SLC45A3: variants seen among roughly 807,000 people sequenced by gnomAD.
SLC45A3 encodes the protein prostate cancer associated protein 2.
A neutral mutation model predicts 35.3 loss-of-function variants in SLC45A3; 17 were observed. The observed-to-expected ratio is 0.48, with a 90% CI of 0.33 to 0.72. SLC45A3 has a LOEUF of 0.72. SLC45A3 is among the 30% of genes least tolerant of loss of function. The pLI is 0.02. For missense variants in SLC45A3, 597 were observed against 731.7 expected, an observed-to-expected ratio of 0.82 and a Z score of 2.12; for synonymous variants, 288 against 334.3, an observed-to-expected ratio of 0.86 and a Z score of 1.51.
At chr1:205,665,826 C>A (rs115812228) in intron 1 of SLC45A3, among the ~76,000 whole-genome samples, 1,553 of 152,300 alleles carry the variant, frequency 0.01, 29 homozygotes, top group African/African-American at 0.036. Flanking sequence ...GCCAAGCAAG[C>A]GGTCTCCAAG....
chr1:205,680,125 T>C (rs1302052241), intron 1 of SLC45A3, among the ~76,000 whole-genome samples: 1 of 149,618 alleles, frequency 6.7e-6, no homozygotes, highest in Admixed American at 6.7e-5. Context: ...GGGCACCTCC[T>C]GCCTGCCCGC....
rs150114553 is a variant in SLC45A3 at position 205,663,811 on chromosome 1, G to A, written c.173-193C>T. ...GCCCCCATTTTCAGATGGACAAACT[G>A]AGGCATGGAGCAACTAAGAAGTGAT... On this transcript the variant is annotated intron_variant, in intron 2 of 4. Transcript: ENST00000367145. Among the ~76,000 whole-genome samples the A allele has an allele frequency of 1.8e-3, 281 of 152,316 alleles. No homozygotes were observed. In the Middle Eastern group the frequency reaches 0.027, roughly 15 times the overall value.
At chr1:205,679,969 T>A (rs1156399124) in intron 1 of SLC45A3, among the ~76,000 whole-genome samples, 1 of 151,482 alleles carries the variant, frequency 6.6e-6, no homozygotes, top group Non-Finnish European at 1.5e-5. Flanking sequence ...TAAACGCAAC[T>A]TTCCAAAGAA....
At position 205,666,481 on chromosome 1, in the gene SLC45A3, T is replaced by C. The variant is rs1267572767; in HGVS notation, c.-230-1595A>G. ...AGTGATTGGACCACTGCCTCCAGTC[T>C]GGGTGACAGAGGGAGACACTGCCTA... is the stretch of plus-strand genomic sequence containing the variant. On this transcript the variant is annotated intron_variant, in intron 1 of 4. Transcript: ENST00000367145. This position sits in a 1 kb window ranked among gnomAD's most constrained non-coding sequence, Gnocchi z 4.1. Among the ~76,000 whole-genome samples the C allele has an allele frequency of 6.6e-6, 1 of 152,176 alleles. No individual in the cohort carries two copies. Among genetic ancestry groups the C allele is most frequent in the Admixed American group, 6.5e-5 (1 of 15,282 alleles).
chr1:205,674,850 G>A (rs1344389176), intron 1 of SLC45A3, among the ~76,000 whole-genome samples: 2 of 151,876 alleles, frequency 1.3e-5, no homozygotes, highest in Non-Finnish European at 2.9e-5. Flanking sequence ...CAAGTAGCTG[G>A]GACTACAGGC....
rs1670969595 is a variant in SLC45A3 at position 205,659,022 on chromosome 1, G to C, written c.*212C>G. The C allele has an allele frequency of 3.5e-6, 2 of 576,460 alleles. No individual in the cohort carries two copies. Among genetic ancestry groups the C allele is most frequent in the Non-Finnish European group, 6.1e-6 (2 of 328,810 alleles). 35.7% of individuals were successfully genotyped at this position (576,460 alleles called of 1,614,324 possible). A position where few individuals can be genotyped will look rare whatever the true frequency, so the allele number is the denominator to read the frequency against. Reference sequence around the variant, plus strand: ...ACCCCCTTGGAAGGCCTCCAGTCAGGCAGCCCTAGAGACTGGGGAGAGAGG... The same window carrying C: ...ACCCCCTTGGAAGGCCTCCAGTCAGCCAGCCCTAGAGACTGGGGAGAGAGG... On this transcript the variant is annotated 3_prime_UTR_variant, in exon 5 of 5. Coordinates refer to ENST00000367145, the MANE Select transcript of SLC45A3 (RefSeq NM_033102.3). The surrounding 1 kb of genome is among the most constrained non-coding windows in gnomAD (Gnocchi z 5.8).
intron 1 of SLC45A3, among the ~76,000 whole-genome samples, chr1:205,673,894 C>T (rs1309989086): frequency 6.6e-6 from 1 of 152,192 alleles, no homozygotes; most frequent in East Asian, 1.9e-4. Flanking sequence ...CTAACCTCCC[C>T]TAAGGGAATG....
chr1:205,663,774 G>A (rs1671071305), intron 2 of SLC45A3, among the ~76,000 whole-genome samples, 156 bp from the exon 3 acceptor site: 1 of 152,172 alleles, frequency 6.6e-6, no homozygotes, highest in Admixed American at 6.5e-5. Flanking sequence ...TCATAACACA[G>A]GCATTACAGA....
At position 205,662,738 on chromosome 1, in the gene SLC45A3, G is replaced by T. The variant is rs963546933; in HGVS notation, c.958+95C>A. 6.7e-7 allele frequency: 1 copy of T among 1,494,216 alleles called. No homozygotes were observed. The allele number at this position is 1,494,216 out of a possible 1,614,324, so 92.6% of individuals were successfully genotyped here. Reference sequence around the variant, plus strand: ...CCACTTTCCTGACAGAGAAGTCGGGGCCAGGATGGAGAGGCACCAGCCCAG... The same window carrying T: ...CCACTTTCCTGACAGAGAAGTCGGGTCCAGGATGGAGAGGCACCAGCCCAG... On this transcript the variant is annotated intron_variant, in intron 3 of 4. Transcript: ENST00000367145. This position sits in a 1 kb window ranked among gnomAD's most constrained non-coding sequence, Gnocchi z 6.2.
At chr1:205,678,346 G>A (rs1421329434) in intron 1 of SLC45A3, among the ~76,000 whole-genome samples, 1 of 152,170 alleles carries the variant, frequency 6.6e-6, no homozygotes, top group Admixed American at 6.5e-5. Context: ...CTGACAGTCT[G>A]GGTTTTTATC....
Position 205,663,445 on chromosome 1 carries a change from C to T in SLC45A3, c.346G>A (p.Asp116Asn). The stretch of plus-strand genomic sequence containing the variant: ...AGTGCCAGCTCCAGGGGCCTGGGAT[C>T]CGGGCACAGCAGCCCTGCTAGCCAG... ...AGWLAGLLCP[D>N]PRPLELALLI... The change falls in exon 3 of 5, where the codon GAT becomes AAT. Residue 116 changes from aspartate to asparagine, a missense_variant. This residue lies in a region of SLC45A3 where 555 missense variants were observed against 664.9 expected (regional missense o/e 0.83). Coordinates refer to ENST00000367145, the MANE Select transcript of SLC45A3 (RefSeq NM_033102.3). 1.2e-6 allele frequency: 2 copies of T among 1,612,730 alleles called. No homozygotes were observed. Among genetic ancestry groups the T allele is most frequent in the Non-Finnish European group, 1.7e-6 (2 of 1,179,760 alleles).
rs1671276205 is a variant in SLC45A3 at position 205,674,479 on chromosome 1, C to T, written c.-231+5915G>A. On this transcript the variant is annotated intron_variant, in intron 1 of 4. Coordinates refer to ENST00000367145, the MANE Select transcript of SLC45A3 (RefSeq NM_033102.3). ...GCACGTGCCTGTAATCCCAGCTACT[C>T]AGGAGGTTGAGGCAGGTGAATCGCT... Among the ~76,000 whole-genome samples the T allele has an allele frequency of 2.0e-5, 3 of 151,264 alleles. No individual in the cohort carries two copies. The South Asian group carries it at 6.3e-4, about 32-fold the overall frequency.
intron 1 of SLC45A3, among the ~76,000 whole-genome samples, chr1:205,668,965 T>C (rs1266013829): frequency 1.3e-5 from 2 of 152,004 alleles, no homozygotes; most frequent in African/African-American, 4.8e-5. Flanking sequence ...GCTGCACCCC[T>C]CCAGGTACTG....
At position 205,664,992 on chromosome 1, in the gene SLC45A3, G is replaced by A. The variant is rs545139079; in HGVS notation, c.-230-106C>T. 1.4e-5 allele frequency: 15 copies of A among 1,104,710 alleles called. No homozygotes were observed. In the Admixed American group the frequency reaches 1.4e-4, roughly 10 times the overall value. 68.4% of individuals were successfully genotyped at this position (1,104,710 alleles called of 1,614,324 possible). On this transcript the variant is annotated intron_variant, in intron 1 of 4. Transcript: ENST00000367145. This position sits in a 1 kb window ranked among gnomAD's most constrained non-coding sequence, Gnocchi z 5.3. ...GGATCCTGATCATTCACAGGCTGGCGACTGGCCCTGTCACCGAGGTGCCAC... is the reference window on the plus strand; with the variant it reads ...GGATCCTGATCATTCACAGGCTGGCAACTGGCCCTGTCACCGAGGTGCCAC...
At chr1:205,679,467 AG>A (rs547803164) in intron 1 of SLC45A3, among the ~76,000 whole-genome samples, 65 of 152,238 alleles carry the variant, frequency 4.3e-4, no homozygotes, top group Admixed American at 1.6e-3. Context: ...GACCCGCACT[AG>A]GGAGAAAGCA....
chr1:205,670,621 G>C (rs1031519764), intron 1 of SLC45A3, among the ~76,000 whole-genome samples: 1 of 152,220 alleles, frequency 6.6e-6, no homozygotes, highest in African/African-American at 2.4e-5. Flanking sequence ...GCCCTGCTGA[G>C]CTGCCTTTTC....
chr1:205,662,126 CCT>C lies in SLC45A3; in HGVS notation c.959-2_959-1del. 6.2e-7 allele frequency: 1 copy of C among 1,611,176 alleles called. No individual in the cohort carries two copies. Among genetic ancestry groups the C allele is most frequent in the Non-Finnish European group, 8.5e-7 (1 of 1,178,110 alleles). On this transcript the variant is annotated splice_acceptor_variant, in intron 3 of 4. Coordinates refer to ENST00000367145, the MANE Select transcript of SLC45A3 (RefSeq NM_033102.3). LOFTEE classifies it high-confidence loss of function. This position sits in a 1 kb window ranked among gnomAD's most constrained non-coding sequence, Gnocchi z 6.2. ...CAGCCCCAGGCTGCCCATCCGAACG[CCT>C]GCAGAGGGAGAGGGGCCATCAGACA...
At chr1:205,670,610 C>T (rs772645312) in intron 1 of SLC45A3, among the ~76,000 whole-genome samples, 60 of 152,320 alleles carry the variant, frequency 3.9e-4, no homozygotes, top group Non-Finnish European at 7.2e-4. Flanking sequence ...ATTTAGAGTT[C>T]GCCCTGCTGA....
chr1:205,660,543 C>T (rs1467814246), intron 4 of SLC45A3, among the ~76,000 whole-genome samples: 1 of 152,170 alleles, frequency 6.6e-6, no homozygotes, highest in African/African-American at 2.4e-5. Flanking sequence ...CACCATGCAG[C>T]TCAACAAGTG....
Sources: allele counts gnomAD v4.1 joint callset (sites outside exome capture counted in the v4.1 genomes callset), GRCh38; gene constraint gnomAD v4.1.1; regional missense constraint gnomAD v4.1.1; non-coding constraint Gnocchi (gnomAD v3.1); transcripts MANE v1.5; gene names NCBI Gene and HGNC (gene_info 2026-07-23, HGNC 2026-07-21).